Variants in CFAP92 observed in about 807,000 individuals in gnomAD.
The protein encoded by CFAP92 is uncharacterized protein CFAP92.
Under a neutral mutation model 106.3 loss-of-function variants are expected in CFAP92, and 86 were observed. That is an observed-to-expected ratio of 0.81 (90% confidence interval 0.68 to 0.97). The LOEUF is 0.97. Ranked by LOEUF, CFAP92 falls within the 50% of genes least tolerant of loss-of-function variation. CFAP92 has a pLI of 0.00. For missense variants in CFAP92, 1,204 were observed against 1,283.8 expected (o/e 0.94, Z 0.95); for synonymous variants, 477 against 506.4 (o/e 0.94, Z 0.78).
chr3:128,956,347 T>G (rs574546137), intron 9 of CFAP92, among the ~76,000 whole-genome samples: 1 of 151,790 alleles, frequency 6.6e-6, no homozygotes, highest in African/African-American at 2.4e-5. Flanking sequence ...CTAATATTCA[T>G]GTCATTGGAG....
At chr3:128,937,656 A>G (rs1939187759) in intron 10 of CFAP92, among the ~76,000 whole-genome samples, 1 of 152,012 alleles carries the variant, frequency 6.6e-6, no homozygotes, top group Non-Finnish European at 1.5e-5. Context: ...AGATCATTGT[A>G]GTCTACTTAG....
chr3:128,924,742 C>G (rs573011927), intron 12 of CFAP92, among the ~76,000 whole-genome samples: 7 of 152,288 alleles, frequency 4.6e-5, no homozygotes, highest in Non-Finnish European at 7.4e-5. Flanking sequence ...CCACCACGCC[C>G]GACCGATTGT....
chr3:128,960,655 G>A (rs1362084437), intron 9 of CFAP92, among the ~76,000 whole-genome samples: 2 of 152,250 alleles, frequency 1.3e-5, no homozygotes, highest in Non-Finnish European at 1.5e-5. Flanking sequence ...TTTCAAGGGT[G>A]TCAGACCACG....
chr3:128,989,807 A>G (rs1576645190), intron 2 of CFAP92, among the ~76,000 whole-genome samples: 1 of 152,362 alleles, frequency 6.6e-6, no homozygotes, highest in East Asian at 1.9e-4. Context: ...GCATTTGTGC[A>G]GAGATTGGAG....
At chr3:129,007,960 G>A in the CFAP92 span, among the ~76,000 whole-genome samples, 2 of 152,322 alleles carry the variant, frequency 1.3e-5, no homozygotes, top group East Asian at 3.9e-4. Flanking sequence ...TACACCTGCT[G>A]TCTTTGTCAT....
In CFAP92 at chr3:128,993,284, C is replaced by G; in HGVS notation, c.21G>C (p.Glu7Asp). The G allele has an allele frequency of 6.2e-7, 1 of 1,613,658 alleles. No individual in the cohort carries two copies. Among genetic ancestry groups the G allele is most frequent in the Non-Finnish European group, 8.5e-7 (1 of 1,179,810 alleles). MSLHAWEWEEDPASIEP... is the reference protein window; with the variant it reads MSLHAWDWEEDPASIEP... ...CTATGCTTGCGGGGTCCTCTTCCCA[C>G]TCCCAGGCATGTAGCGACATGCTGC... is the stretch of plus-strand genomic sequence containing the variant. Residue 7 changes from glutamate to aspartate, a missense_variant, in exon 2 of 16, where the codon GAG becomes GAC. Coordinates refer to ENST00000645291, the MANE Select transcript of CFAP92 (RefSeq NM_001394090.1).
chr3:128,952,535 T>C (rs1940913832), intron 9 of CFAP92, among the ~76,000 whole-genome samples: 1 of 152,162 alleles, frequency 6.6e-6, no homozygotes, highest in African/African-American at 2.4e-5. Flanking sequence ...GATACAGATC[T>C]TGGAATTATC....
chr3:128,978,402 T>TA (rs889000988), intron 4 of CFAP92: 266 of 396,554 alleles, frequency 6.7e-4, no homozygotes, highest in East Asian at 8.5e-4. Flanking sequence ...GCATTATATC[T>TA]AAAAAAAAAT....
intron 9 of CFAP92, among the ~76,000 whole-genome samples, chr3:128,948,809 C>T (rs1426446889): frequency 2.0e-5 from 3 of 152,096 alleles, no homozygotes; most frequent in Admixed American, 6.5e-5. Flanking sequence ...GGATTACAGG[C>T]GTGAGCCACC....
At chr3:128,981,015 T>G (rs1383227635) in intron 4 of CFAP92, among the ~76,000 whole-genome samples, 1 of 151,810 alleles carries the variant, frequency 6.6e-6, no homozygotes, top group South Asian at 2.1e-4. Flanking sequence ...GAATGGGGAA[T>G]CCTTTCCGGA....
At chr3:128,951,878 G>T (rs575821270) in intron 9 of CFAP92, among the ~76,000 whole-genome samples, 1 of 152,234 alleles carries the variant, frequency 6.6e-6, no homozygotes, top group African/African-American at 2.4e-5. Context: ...AAAAGACCTG[G>T]TGGGGAGCCA....
At chr3:128,938,491 CT>C (rs11361650) in intron 10 of CFAP92, among the ~76,000 whole-genome samples, 92,431 of 135,794 alleles carry the variant, frequency 0.68, 31,411 homozygotes, top group African/African-American at 0.77. Flanking sequence ...CTTCACCATT[CT>C]TTTTTTTTTT....
Position 128,909,883 on chromosome 3 carries a change from TG to T in CFAP92, c.*415del. On this transcript the variant is annotated 3_prime_UTR_variant, in exon 16 of 16. Coordinates refer to ENST00000645291, the MANE Select transcript of CFAP92 (RefSeq NM_001394090.1). The stretch of plus-strand genomic sequence containing the variant: ...GGCTGGGAGCCGTTCTCCCACAACC[TG>T]AAGAGAAAGGTGTTATTGACTCCAC... 8.1e-7 allele frequency: 1 copy of T among 1,240,906 alleles called. No individual in the cohort carries two copies. 76.9% of individuals were successfully genotyped at this position (1,240,906 alleles called of 1,614,324 possible). A position where few individuals can be genotyped will look rare whatever the true frequency, so the allele number is the denominator to read the frequency against.
At chr3:128,984,460 G>A (rs1000335010) in intron 4 of CFAP92, among the ~76,000 whole-genome samples, 1 of 152,136 alleles carries the variant, frequency 6.6e-6, no homozygotes, top group African/African-American at 2.4e-5. Flanking sequence ...GAGGCTTCCT[G>A]CCCTCAAACA....
chr3:128,917,420 A>G (rs1018694564), intron 12 of CFAP92, among the ~76,000 whole-genome samples: 7 of 152,204 alleles, frequency 4.6e-5, no homozygotes, highest in Admixed American at 4.6e-4. Flanking sequence ...CCTAATGCTT[A>G]TTACAGGGAA....
chr3:128,938,111 G>A (rs1001104170), intron 10 of CFAP92, among the ~76,000 whole-genome samples: 1 of 150,780 alleles, frequency 6.6e-6, no homozygotes, highest in Non-Finnish European at 1.5e-5. Flanking sequence ...CATGCTTGTC[G>A]GTCCCAGCTA....
upstream of CFAP92, among the ~76,000 whole-genome samples, chr3:129,005,211 A>G (rs1945016771): frequency 6.6e-6 from 1 of 152,242 alleles, no homozygotes; most frequent in Non-Finnish European, 1.5e-5. Flanking sequence ...CCTTCACAGG[A>G]ACAGATGCGT....
chr3:128,944,907 C>T (rs1940053078), intron 10 of CFAP92, among the ~76,000 whole-genome samples, 164 bp downstream of exon 10: 1 of 152,170 alleles, frequency 6.6e-6, no homozygotes, highest in Non-Finnish European at 1.5e-5. Context: ...CCAATCGAGT[C>T]TTCAAGTCCA....
chr3:129,005,620 T>A (rs2107860789), upstream of CFAP92, among the ~76,000 whole-genome samples: 1 of 152,310 alleles, frequency 6.6e-6, no homozygotes, highest in East Asian at 1.9e-4. Context: ...CAGAGCCCAG[T>A]GAGGGGCTCC....
Sources: allele counts gnomAD v4.1 joint callset (sites outside exome capture counted in the v4.1 genomes callset), GRCh38; gene constraint gnomAD v4.1.1; transcripts MANE v1.5; gene names NCBI Gene and HGNC (gene_info 2026-07-23, HGNC 2026-07-21).